The following PARPBP variants were observed in gnomAD, a reference collection of about 807,000 sequenced individuals.
PARPBP encodes PCNA-interacting partner.
PARPBP carries 52 observed loss-of-function variants against 50.0 expected under a neutral mutation model. That is an observed-to-expected ratio of 1.04 (90% CI 0.83 to 1.31). The LOEUF is 1.31. Among genes scored for constraint, PARPBP ranks in the 50% most tolerant of loss-of-function variants. The probability of loss-of-function intolerance (pLI) is 0.00; values close to 1 mark genes in which losing one functional copy is unlikely to be tolerated. For synonymous variants in PARPBP, 244 were observed against 232.1 expected (o/e 1.05, Z -0.47); for missense variants, 697 against 672.0 (o/e 1.04, Z -0.41).
intron 4 of PARPBP, among the ~76,000 whole-genome samples, chr12:102,159,922 T>G (rs544246122): frequency 2.3e-4 from 35 of 152,342 alleles, no homozygotes; most frequent in African/African-American, 7.9e-4. Context: ...TTAAATAAAA[T>G]TGTCCAGCTT....
intron 10 of PARPBP, 66 bp from the exon 11 acceptor site, chr12:102,195,885 A>G: frequency 9.6e-7 from 1 of 1,037,488 alleles, no homozygotes; most frequent in Non-Finnish European, 1.4e-6. Flanking sequence ...GTTTATTGTA[A>G]AGTTCTCGTA....
At chr12:102,181,137 T>G (rs1341329439) in intron 8 of PARPBP, among the ~76,000 whole-genome samples, 1 of 152,228 alleles carries the variant, frequency 6.6e-6, no homozygotes, top group Non-Finnish European at 1.5e-5. Flanking sequence ...TTATGTGGAT[T>G]TCTTATATTC....
intron 6 of PARPBP, 59 bp from the exon 7 acceptor site, chr12:102,175,424 C>A: frequency 9.1e-7 from 1 of 1,098,858 alleles, no homozygotes; most frequent in Non-Finnish European, 1.3e-6. Context: ...ATTTTCAAGT[C>A]TATAAGCATA....
At chr12:102,123,811 C>A in intron 1 of PARPBP, 75 bp from the exon 2 acceptor site, 1 of 931,488 alleles carries the variant, frequency 1.1e-6, no homozygotes, top group Non-Finnish European at 1.6e-6. Flanking sequence ...TCTATCTGTG[C>A]TTGCCTATAC....
Position 102,153,916 on chromosome 12 carries a change from T to C in PARPBP, c.435T>C (p.Asp145=), listed in dbSNP as rs769689999. Residue 145 remains aspartate (D), a synonymous_variant, in exon 4 of 11, where the codon GAT becomes GAC. Transcript: ENST00000327680. ...FLSGKQYAVG[D]ETDLSIPTSP... ...CTGGCAAACAGTATGCAGTAGGTGA[T>C]GAAACTGATCTTTCTATACCAACAT... 6.2e-6 allele frequency: 10 copies of C among 1,611,946 alleles called. No individual in the cohort carries two copies. The highest frequency in any genetic ancestry group is 8.5e-6 in the Non-Finnish European group (10 of 1,178,140).
intron 2 of PARPBP, among the ~76,000 whole-genome samples, chr12:102,127,854 CTGAG>C (rs1882245311): frequency 1.3e-5 from 2 of 152,104 alleles, no homozygotes. Context: ...AGCCTTTTGA[CTGAG>C]TGGCCTTAGA....
At chr12:102,185,523 C>G (rs1473131347) in intron 9 of PARPBP, among the ~76,000 whole-genome samples, 1 of 152,088 alleles carries the variant, frequency 6.6e-6, no homozygotes, top group Non-Finnish European at 1.5e-5. Context: ...TAATACTGTC[C>G]TTGTAGAATG....
chr12:102,171,299 C>A (rs1342740451), intron 6 of PARPBP, among the ~76,000 whole-genome samples: 2 of 152,070 alleles, frequency 1.3e-5, no homozygotes, highest in Non-Finnish European at 2.9e-5. Context: ...ATATTACTGG[C>A]AGCACAGTAG....
chr12:102,192,762 A>G (rs1262038264), intron 9 of PARPBP, among the ~76,000 whole-genome samples: 1 of 152,030 alleles, frequency 6.6e-6, no homozygotes, highest in Admixed American at 6.6e-5. Context: ...TTATAAGTAG[A>G]ATGTTTTTGA....
At chr12:102,132,670 G>GT (rs1473347277) in intron 2 of PARPBP, among the ~76,000 whole-genome samples, 1 of 152,138 alleles carries the variant, frequency 6.6e-6, no homozygotes, top group Non-Finnish European at 1.5e-5. Flanking sequence ...TTTTAAAATT[G>GT]TTTTTTCTAT....
At position 102,175,562 on chromosome 12, in the gene PARPBP, G is replaced by A. The variant is rs767911766; in HGVS notation, c.901G>A (p.Ala301Thr). The A allele has an allele frequency of 1.9e-6, 3 of 1,613,014 alleles. No individual in the cohort carries two copies. Among genetic ancestry groups the A allele is most frequent in the Non-Finnish European group, 2.5e-6 (3 of 1,179,056 alleles). The change falls in exon 7 of 11, where the codon GCA becomes ACA. Residue 301 changes from alanine (A) to threonine (T), a missense_variant. By Grantham distance (58) the Ala-to-Thr change is moderately conservative. Coordinates refer to ENST00000327680, the MANE Select transcript of PARPBP (RefSeq NM_017915.5). ...GQNSRDPFCKAIEEVAQDLDL... is the reference protein window; with the variant it reads ...GQNSRDPFCKTIEEVAQDLDL... Reference sequence around the variant, plus strand: ...AAACAGCAGGGATCCTTTTTGCAAAGCAATAGAGGAAGTTGCTCAGGATTT... The same window carrying A: ...AAACAGCAGGGATCCTTTTTGCAAAACAATAGAGGAAGTTGCTCAGGATTT...
At chr12:102,165,309 T>C (rs1888027592) in intron 5 of PARPBP, among the ~76,000 whole-genome samples, 2 of 152,188 alleles carry the variant, frequency 1.3e-5, no homozygotes. Context: ...AAGTGTTAAA[T>C]TGCCCAACCA....
intron 4 of PARPBP, among the ~76,000 whole-genome samples, chr12:102,157,729 C>T (rs752628840): frequency 6.6e-6 from 1 of 152,190 alleles, no homozygotes; most frequent in Non-Finnish European, 1.5e-5. Context: ...CACTTTGGCA[C>T]TGTATAAATA....
intron 9 of PARPBP, among the ~76,000 whole-genome samples, chr12:102,194,249 G>A (rs1422886044): frequency 6.6e-6 from 1 of 151,918 alleles, no homozygotes; most frequent in Non-Finnish European, 1.5e-5. Context: ...TTTCATGACT[G>A]TATCAACAAA....
chr12:102,145,878 A>G (rs1189193522), intron 2 of PARPBP, among the ~76,000 whole-genome samples: 1 of 152,216 alleles, frequency 6.6e-6, no homozygotes, highest in Admixed American at 6.5e-5. Context: ...TTTACACTTG[A>G]TCTTAGCCAA....
intron 2 of PARPBP, among the ~76,000 whole-genome samples, chr12:102,126,108 C>CT (rs1881949245): frequency 6.6e-6 from 1 of 152,192 alleles, no homozygotes; most frequent in Admixed American, 6.5e-5. Flanking sequence ...TTCTAGGAGA[C>CT]ATATTAAGAG....
chr12:102,189,467 C>T (rs1443937098), intron 9 of PARPBP, among the ~76,000 whole-genome samples: 3 of 152,158 alleles, frequency 2.0e-5, no homozygotes, highest in African/African-American at 4.8e-5. Flanking sequence ...ATTTGAAGAA[C>T]GGGGTTTTAA....
At chr12:102,167,888 G>T (rs1402400802) in intron 6 of PARPBP, among the ~76,000 whole-genome samples, 1 of 152,094 alleles carries the variant, frequency 6.6e-6, no homozygotes, top group Non-Finnish European at 1.5e-5. Flanking sequence ...GGGTATAAGT[G>T]TTCCTTATGG....
intron 9 of PARPBP, among the ~76,000 whole-genome samples, chr12:102,190,803 G>A (rs1466950612): frequency 3.9e-5 from 6 of 152,120 alleles, no homozygotes; most frequent in African/African-American, 1.4e-4. Flanking sequence ...AAACAAACAA[G>A]TGGATTATAT....
Sources: gnomAD v4.1 joint callset for allele counts (sites outside exome capture counted in the v4.1 genomes callset) on GRCh38, gnomAD v4.1.1 for gene constraint, MANE v1.5 for transcripts, NCBI Gene and HGNC (gene_info 2026-07-23, HGNC 2026-07-21) for gene names.